The following RABGAP1L variants were observed in gnomAD, a reference collection of about 807,000 sequenced individuals.
The protein encoded by RABGAP1L is rab GTPase-activating protein 1-like.
Under a neutral mutation model 137.7 loss-of-function variants are expected in RABGAP1L, and 63 were observed. The observed-to-expected ratio is 0.46, with a 90% CI of 0.37 to 0.56. The LOEUF is 0.56. Ranked by LOEUF, RABGAP1L falls within the 20% of genes least tolerant of loss-of-function variation. RABGAP1L has a pLI of 0.00. For missense variants in RABGAP1L, 1,095 were observed against 1,244.0 expected, an observed-to-expected ratio of 0.88 and a Z score of 1.80; for synonymous variants, 431 against 433.7, an observed-to-expected ratio of 0.99 and a Z score of 0.08.
chr1:174,477,082 A>T (rs1293648329), intron 13 of RABGAP1L, among the ~76,000 whole-genome samples: 2 of 152,194 alleles, frequency 1.3e-5, no homozygotes, highest in African/African-American at 4.8e-5. Flanking sequence ...CCAGGAGCAG[A>T]ACTGGGTGTG....
At chr1:174,783,148 A>C (rs1000091898) in intron 18 of RABGAP1L, among the ~76,000 whole-genome samples, 3 of 149,834 alleles carry the variant, frequency 2.0e-5, no homozygotes, top group Non-Finnish European at 4.4e-5. Context: ...TGTCCGCTGC[A>C]CTCCTGATCT....
At chr1:174,521,544 C>T (rs998798799) in intron 13 of RABGAP1L, among the ~76,000 whole-genome samples, 1 of 152,126 alleles carries the variant, frequency 6.6e-6, no homozygotes, top group Non-Finnish European at 1.5e-5. Flanking sequence ...AGGTCTTTCC[C>T]AATGACCCTC....
chr1:174,469,727 G>A (rs1252478334), intron 13 of RABGAP1L, among the ~76,000 whole-genome samples: 3 of 152,076 alleles, frequency 2.0e-5, no homozygotes, highest in Non-Finnish European at 2.9e-5. Flanking sequence ...TACAACCAAA[G>A]GTGCATTATT....
intron 13 of RABGAP1L, among the ~76,000 whole-genome samples, chr1:174,560,801 G>C (rs1353883627): frequency 6.6e-6 from 1 of 152,094 alleles, no homozygotes; most frequent in African/African-American, 2.4e-5. Flanking sequence ...CTGATTATAA[G>C]TGAGAACATG....
At chr1:174,967,833 T>G (rs1054611461) in intron 20 of RABGAP1L, among the ~76,000 whole-genome samples, 4 of 152,142 alleles carry the variant, frequency 2.6e-5, no homozygotes, top group East Asian at 3.9e-4. Flanking sequence ...TGAATTTATT[T>G]AAAGTATTAA....
At chr1:174,635,291 T>C (rs942349304) in intron 13 of RABGAP1L, among the ~76,000 whole-genome samples, 1 of 152,134 alleles carries the variant, frequency 6.6e-6, no homozygotes. Context: ...AATAGGCACA[T>C]ATTTACCCCT....
At chr1:174,249,650 CTT>C (rs758531270) in intron 5 of RABGAP1L, among the ~76,000 whole-genome samples, 4 of 124,436 alleles carry the variant, frequency 3.2e-5, no homozygotes, top group Non-Finnish European at 5.2e-5. Context: ...TTCTTTCTTT[CTT>C]TTTTTTTTTT....
chr1:174,679,974 A>C (rs757804695), intron 14 of RABGAP1L, among the ~76,000 whole-genome samples: 78 of 152,242 alleles, frequency 5.1e-4, no homozygotes, highest in Non-Finnish European at 9.6e-4. Flanking sequence ...AAACAAAAAA[A>C]CTTCTAAAGA....
At chr1:174,288,649 G>A (rs547996743) in intron 10 of RABGAP1L, among the ~76,000 whole-genome samples, 3 of 152,062 alleles carry the variant, frequency 2.0e-5, no homozygotes, top group African/African-American at 7.2e-5. Flanking sequence ...CTTTGTCTTT[G>A]ACTTTTGACA....
At chr1:174,590,140 T>C (rs1669465704) in intron 13 of RABGAP1L, among the ~76,000 whole-genome samples, 1 of 144,238 alleles carries the variant, frequency 6.9e-6, no homozygotes, top group African/African-American at 2.6e-5. Flanking sequence ...TTTTTTTTTT[T>C]TTTTTTTTTT....
Position 174,328,820 on chromosome 1 carries a change from C to G in RABGAP1L, c.1465+23693C>G, listed in dbSNP as rs944027716. On this transcript the variant is annotated intron_variant, in intron 11 of 25. Transcript: ENST00000681986. ...CTTAAGACAAATGATAATGGAAATGCAGTATACCAAAATAGCAAAAGCAGT... is the reference window on the plus strand; with the variant it reads ...CTTAAGACAAATGATAATGGAAATGGAGTATACCAAAATAGCAAAAGCAGT... Among the ~76,000 whole-genome samples, 5 of 151,958 alleles carry G rather than the reference C, an allele frequency of 3.3e-5. No individual in the cohort carries two copies. In the South Asian group the frequency reaches 1.0e-3, roughly 32 times the overall value.
rs117996934 is a variant in RABGAP1L at position 174,873,452 on chromosome 1, A to T, written c.2340+61492A>T. ...GGGTGACGTGATGAGAATATTCAAC[A>T]AGTAGAATATGAGATATAGGAAAAA... On this transcript the variant is annotated intron_variant, in intron 19 of 25. Coordinates refer to ENST00000681986, the MANE Select transcript of RABGAP1L (RefSeq NM_001366446.1). 2.2e-4 allele frequency among the ~76,000 whole-genome samples: 34 copies of T among 151,714 alleles called. No homozygotes were observed. The East Asian group carries it at 6.6e-3, about 29-fold the overall frequency.
At chr1:174,832,885 A>G (rs1490872217) in intron 19 of RABGAP1L, among the ~76,000 whole-genome samples, 1 of 152,232 alleles carries the variant, frequency 6.6e-6, no homozygotes, top group Non-Finnish European at 1.5e-5. Flanking sequence ...CCATAGCAAT[A>G]ATGTCCTGCT....
intron 2 of RABGAP1L, 116 bp from the exon 3 acceptor site, chr1:174,220,856 A>G (rs967887547): frequency 1.1e-6 from 1 of 874,642 alleles, no homozygotes; most frequent in African/African-American, 1.7e-5. Flanking sequence ...GTATTTTAGT[A>G]ACTATATTTA....
chr1:174,344,319 T>A (rs1682249127), intron 11 of RABGAP1L, among the ~76,000 whole-genome samples: 1 of 152,228 alleles, frequency 6.6e-6, no homozygotes, highest in Admixed American at 6.5e-5. Context: ...GTCAGCATTT[T>A]ACATCTGTTC....
chr1:174,608,058 T>A (rs1003530045), intron 13 of RABGAP1L, among the ~76,000 whole-genome samples: 13 of 152,182 alleles, frequency 8.5e-5, no homozygotes, highest in South Asian at 8.3e-4. Context: ...ACAATGGATT[T>A]TATAAACTCT....
chr1:174,897,354 C>G (rs1366696339), intron 19 of RABGAP1L: 1 of 152,180 alleles, frequency 6.6e-6, no homozygotes, highest in East Asian at 1.9e-4. Context: ...CGAGCCTACT[C>G]TAATTCTTTA....
At chr1:174,652,083 C>T (rs1462364763) in intron 14 of RABGAP1L, among the ~76,000 whole-genome samples, 1 of 152,118 alleles carries the variant, frequency 6.6e-6, no homozygotes, top group Non-Finnish European at 1.5e-5. Context: ...TTTATTTCTC[C>T]TTCACGTATG....
chr1:174,519,811 A>G (rs1663211974), intron 13 of RABGAP1L, among the ~76,000 whole-genome samples: 1 of 152,224 alleles, frequency 6.6e-6, no homozygotes, highest in Admixed American at 6.5e-5. Context: ...TGTAAAAATC[A>G]CTGGCCTTTA....
Sources: gnomAD v4.1 joint callset for allele counts (sites outside exome capture counted in the v4.1 genomes callset) on GRCh38, gnomAD v4.1.1 for gene constraint, MANE v1.5 for transcripts, NCBI Gene and HGNC (gene_info 2026-07-23, HGNC 2026-07-21) for gene names.